The following STN1 variants were observed in gnomAD, a reference collection of about 807,000 sequenced individuals.
STN1 encodes CST complex subunit STN1.
A neutral mutation model predicts 45.5 loss-of-function variants in STN1; 29 were observed. The ratio of observed to expected loss-of-function variants is 0.64; its 90% CI spans 0.47 to 0.87. STN1 has a LOEUF of 0.87. Ranked by LOEUF, STN1 falls within the 40% of genes least tolerant of loss-of-function variation. STN1 has a pLI of 0.00. For missense variants in STN1, 376 were observed against 441.4 expected, an observed-to-expected ratio of 0.85 and a Z score of 1.33; for synonymous variants, 148 against 159.0, an observed-to-expected ratio of 0.93 and a Z score of 0.52.
intron 6 of STN1, chr10:103,898,187 T>C (rs1014990198): frequency 6.5e-6 from 1 of 153,492 alleles, no homozygotes; most frequent in Non-Finnish European, 1.4e-5. Context: ...TTTGAATATA[T>C]AATATATTCA....
At chr10:103,899,777 C>A (rs1843194861) in intron 5 of STN1, among the ~76,000 whole-genome samples, 1 of 152,178 alleles carries the variant, frequency 6.6e-6, no homozygotes, top group South Asian at 2.1e-4. Flanking sequence ...ACATTCTGAA[C>A]TTGAAAGTGC....
chr10:103,909,510 GTATA>G, intron 3 of STN1, among the ~76,000 whole-genome samples: 1 of 39,838 alleles, frequency 2.5e-5, no homozygotes, highest in South Asian at 1.8e-3. Flanking sequence ...ATGTATATAT[GTATA>G]TATGTATATA....
At position 103,880,065 on chromosome 10, in the gene STN1, A is replaced by C. The variant is rs1035690754; in HGVS notation, c.*2619T>G. Among the ~76,000 whole-genome samples, 4 of 152,228 alleles carry C rather than the reference A, an allele frequency of 2.6e-5. No individual in the cohort carries two copies. Among genetic ancestry groups the C allele is most frequent in the Non-Finnish European group, 5.9e-5 (4 of 68,036 alleles). ...CCGCCCACTTCACCCGCCTGGGCCA[A>C]GTATGGCTTCCACACTGGTTGAGTT... On this transcript the variant is annotated 3_prime_UTR_variant, in exon 10 of 10. Coordinates refer to ENST00000224950, the MANE Select transcript of STN1 (RefSeq NM_024928.5).
chr10:103,899,180 T>C (rs1482998376), intron 5 of STN1, among the ~76,000 whole-genome samples, 180 bp from the exon 6 acceptor site: 1 of 152,208 alleles, frequency 6.6e-6, no homozygotes, highest in Non-Finnish European at 1.5e-5. Flanking sequence ...TCATCCTGCA[T>C]GAGGGAATGC....
chr10:103,910,851 G>A (rs190020752), intron 2 of STN1, among the ~76,000 whole-genome samples: 10 of 152,172 alleles, frequency 6.6e-5, no homozygotes, highest in Admixed American at 5.2e-4. Context: ...TGCACTAGAC[G>A]GGAGAAAACC....
chr10:103,909,977 C>G (rs1375281265), intron 3 of STN1, among the ~76,000 whole-genome samples: 2 of 152,080 alleles, frequency 1.3e-5, no homozygotes, highest in East Asian at 3.8e-4. Flanking sequence ...TCTCTGGTGT[C>G]CAAAATATAG....
At chr10:103,904,378 G>A (rs1042195600) in intron 4 of STN1, among the ~76,000 whole-genome samples, 1 of 151,824 alleles carries the variant, frequency 6.6e-6, no homozygotes, top group Non-Finnish European at 1.5e-5. Flanking sequence ...CACTTTGGGA[G>A]GCTGAGGCAG....
rs770409096 is a variant in STN1 at position 103,900,135 on chromosome 10, G to T, written c.384C>A (p.Ile128=). 6.2e-7 allele frequency: 1 copy of T among 1,614,090 alleles called. No homozygotes were observed. ...TGCCTCTGACTCGGATCGTGTCCCC[G>T]ATCTCTATCTTTGTTTTCTGCTCAA... The part of the protein sequence containing the change: ...ETIEQKTKIE[I]GDTIRVRGSI... Residue 128 remains isoleucine (I), a synonymous_variant, in exon 5 of 10, where the codon ATC becomes ATA. Transcript: ENST00000224950.
intron 5 of STN1, among the ~76,000 whole-genome samples, chr10:103,899,443 C>G (rs1438780670): frequency 6.6e-6 from 1 of 152,170 alleles, no homozygotes; most frequent in Non-Finnish European, 1.5e-5. Flanking sequence ...GGCTGTAATC[C>G]CAGCACTCTG....
intron 9 of STN1, among the ~76,000 whole-genome samples, chr10:103,884,665 T>C (rs958642695): frequency 1.3e-5 from 2 of 152,160 alleles, no homozygotes; most frequent in Non-Finnish European, 2.9e-5. Flanking sequence ...TGCTTTAGGC[T>C]TCAGGAAGGT....
chr10:103,907,748 C>T (rs1422671257), intron 3 of STN1, among the ~76,000 whole-genome samples: 2 of 151,702 alleles, frequency 1.3e-5, no homozygotes, highest in South Asian at 2.1e-4. Flanking sequence ...GGACATTTTG[C>T]GTTAAAAAAA....
rs757140203 is a variant in STN1, at chr10:103,917,589, C to G, written c.6G>C (p.Gln2His). 1 of 1,613,784 alleles carries G rather than the reference C, an allele frequency of 6.2e-7. No homozygotes were observed. The highest frequency in any genetic ancestry group is 1.1e-5 in the South Asian group (1 of 91,070). Residue 2 changes from glutamine to histidine, a missense_variant, in exon 2 of 10, where the codon CAG (glutamine) becomes CAC (histidine). Gln to His is a conservative substitution (Grantham distance 24). Transcript: ENST00000224950. ...CCTCTTCACACCGGCTGGATCCAGG[C>G]TGCATCAAGAGGCAGGGCTGTGGCT... M[Q>H]PGSSRCEEET... is the part of the protein sequence containing the mutation.
intron 1 of STN1, 78 bp from the exon 2 acceptor site, chr10:103,917,734 T>TGGGC (rs1843343901): frequency 2.2e-6 from 2 of 918,926 alleles, no homozygotes; most frequent in South Asian, 3.4e-5. Context: ...TGCTCCCAGG[T>TGGGC]GGGCGTCCAG....
intron 2 of STN1, among the ~76,000 whole-genome samples, chr10:103,913,320 CT>C (rs1467446130): frequency 9.9e-5 from 15 of 152,140 alleles, no homozygotes; most frequent in Non-Finnish European, 2.2e-4. Context: ...ACACAGTAGA[CT>C]TTCTTGAAAA....
intron 2 of STN1, among the ~76,000 whole-genome samples, chr10:103,916,072 T>C (rs1843328941): frequency 6.6e-6 from 1 of 152,130 alleles, no homozygotes; most frequent in Non-Finnish European, 1.5e-5. Flanking sequence ...GTCCCAGGGG[T>C]TGGGGGCCCC....
chr10:103,905,032 A>T, intron 4 of STN1, 59 bp downstream of exon 4: 1 of 1,461,338 alleles, frequency 6.8e-7, no homozygotes, highest in Non-Finnish European at 9.6e-7. Context: ...TTGATGAACT[A>T]CATTGAGTAA....
At position 103,917,448 on chromosome 10, in the gene STN1, G is replaced by A. The variant is rs751409499; in HGVS notation, c.133+14C>T. ...GATGCAGCCCAGGGCATCCCAGGGT[G>A]GCTAGCCACATACCTGGCACCTGGC... On this transcript the variant is annotated intron_variant, in intron 2 of 9. Coordinates refer to ENST00000224950, the MANE Select transcript of STN1 (RefSeq NM_024928.5). The A allele has an allele frequency of 6.2e-6, 10 of 1,611,200 alleles. No homozygotes were observed. The Admixed American group carries it at 1.7e-4, about 27-fold the overall frequency.
intron 7 of STN1, among the ~76,000 whole-genome samples, chr10:103,896,833 G>GC (rs1052315034): frequency 5.9e-5 from 9 of 151,858 alleles, no homozygotes; most frequent in Non-Finnish European, 8.8e-5. Context: ...ACTGCGCCTG[G>GC]CCCCTCGTTA....
intron 3 of STN1, among the ~76,000 whole-genome samples, chr10:103,905,517 C>A (rs551821076): frequency 1.3e-5 from 2 of 152,298 alleles, no homozygotes; most frequent in African/African-American, 4.8e-5. Flanking sequence ...AATGACTGCT[C>A]ACATAGAAAA....
Sources: allele counts gnomAD v4.1 joint callset (sites outside exome capture counted in the v4.1 genomes callset), GRCh38; gene constraint gnomAD v4.1.1; transcripts MANE v1.5; gene names NCBI Gene and HGNC (gene_info 2026-07-23, HGNC 2026-07-21).